The following MAFA variants were observed in gnomAD, a reference collection of about 807,000 sequenced individuals.
MAFA encodes MAF bZIP transcription factor A, also known as transcription factor MafA.
For missense variants in MAFA, 547 were observed against 538.0 expected (o/e 1.02, Z -0.16); for synonymous variants, 244 against 260.3 (o/e 0.94, Z 0.60).
Position 143,430,721 on chromosome 8 carries a change from C to T in MAFA, c.-315G>A, listed in dbSNP as rs1819529579. Among the ~76,000 whole-genome samples, 1 of 149,792 alleles carries T rather than the reference C, an allele frequency of 6.7e-6. No homozygotes were observed. Among genetic ancestry groups the T allele is most frequent in the African/African-American group, 2.4e-5 (1 of 41,070 alleles). ...CCACCCGCGCCGCCGGCCGGCCCCG[C>T]CTCCCACGGCTAAACGCGAAGCCGC... On this transcript the variant is annotated 5_prime_UTR_variant, in exon 1 of 1. Transcript: ENST00000333480.
rs187857888 is a variant in MAFA at position 143,428,472 on chromosome 8, T to A, written c.*873A>T. On this transcript the variant is annotated 3_prime_UTR_variant, in exon 1 of 1. Coordinates refer to ENST00000333480, the MANE Select transcript of MAFA (RefSeq NM_201589.4). ...CCTCCTCTTAAAAAAAAAAATTTTC[T>A]GCTAGAAATACTGTGCATTACTTTT... The A allele has an allele frequency of 6.6e-6, 1 of 152,382 alleles. No individual in the cohort carries two copies. The highest frequency in any genetic ancestry group is 1.9e-4 in the East Asian group (1 of 5,196). The allele number at this position is 152,382 out of a possible 1,614,324, so 9.4% of individuals were successfully genotyped here.
In MAFA at chr8:143,429,406, TC is replaced by T; in HGVS notation, c.1000del (p.Glu334SerfsTer90). The T allele has an allele frequency of 6.7e-7, 1 of 1,494,870 alleles. No individual in the cohort carries two copies. The highest frequency in any genetic ancestry group is 8.8e-7 in the Non-Finnish European group (1 of 1,131,108). The allele number at this position is 1,494,870 out of a possible 1,614,324, so 92.6% of individuals were successfully genotyped here. ...GSAGGAGFPR[E>X]PSPPQAGPGG... ...GGGACCGGCCTGCGGCGGCGAAGGCTCCCGCGGGAAACCGGCCCCGCCCGCG... is the reference window on the plus strand; with the variant it reads ...GGGACCGGCCTGCGGCGGCGAAGGCTCCGCGGGAAACCGGCCCCGCCCGCG... On this transcript the variant is annotated frameshift_variant, in exon 1 of 1. Transcript: ENST00000333480. LOFTEE classifies it low-confidence loss of function (END_TRUNC). This position sits in a 1 kb window ranked among gnomAD's most constrained non-coding sequence, Gnocchi z 5.9.
rs1819481143 is a variant in MAFA at position 143,428,387 on chromosome 8, TTTAAA to T, written c.*953_*957del. 6.6e-6 allele frequency: 1 copy of T among 152,138 alleles called. No individual in the cohort carries two copies. Among genetic ancestry groups the T allele is most frequent in the African/African-American group, 2.4e-5 (1 of 41,420 alleles). The allele number at this position is 152,138 out of a possible 1,614,324, so 9.4% of individuals were successfully genotyped here. ...ATTCCACAAACAAAACGAAACACAA[TTTAAA>T]TTAAAATAAAAACACTTTCTCCACC... On this transcript the variant is annotated 3_prime_UTR_variant, in exon 1 of 1. Coordinates refer to ENST00000333480, the MANE Select transcript of MAFA (RefSeq NM_201589.4).
rs747852573 is a variant in MAFA, at chr8:143,429,599, A to T, written c.808T>A (p.Ser270Thr). The change falls in exon 1 of 1, where the codon TCC (serine) becomes ACC (threonine). Residue 270 changes from serine (S) to threonine (T), a missense_variant. Physicochemically the swap from Ser to Thr is moderately conservative, Grantham distance 58 (BLOSUM62 1). Coordinates refer to ENST00000333480, the MANE Select transcript of MAFA (RefSeq NM_201589.4). This position sits in a 1 kb window ranked among gnomAD's most constrained non-coding sequence, Gnocchi z 5.9. Reference sequence around the variant, plus strand: ...TGCTGCACCCGCTTGAAGCGGCAGGACTGCGCGTAGCCGCGGTTCTTGAGC... The same window carrying T: ...TGCTGCACCCGCTTGAAGCGGCAGGTCTGCGCGTAGCCGCGGTTCTTGAGC... The part of the protein sequence containing the change: ...RTLKNRGYAQ[S>T]CRFKRVQQRH... The T allele has an allele frequency of 1.2e-6, 2 of 1,601,324 alleles. 1 individual carries two copies. Among genetic ancestry groups the T allele is most frequent in the South Asian group, 2.2e-5 (2 of 90,606 alleles).
Position 143,430,267 on chromosome 8 carries a change from G to A in MAFA, c.140C>T (p.Pro47Leu). The A allele has an allele frequency of 1.4e-6, 2 of 1,448,162 alleles. No homozygotes were observed. The highest frequency in any genetic ancestry group is 9.2e-7 in the Non-Finnish European group (1 of 1,087,470). The allele number at this position is 1,448,162 out of a possible 1,614,324, so 89.7% of individuals were successfully genotyped here. Reference sequence around the variant, plus strand: ...GAGCGGCGTCGAGGACAGCGAGCCTGGCGGCAGGCGGTGGCAGAAGCGCTC... The same window carrying A: ...GAGCGGCGTCGAGGACAGCGAGCCTAGCGGCAGGCGGTGGCAGAAGCGCTC... Reference protein sequence around the residue: ...EAERFCHRLPPGSLSSTPLST... With the variant: ...EAERFCHRLPLGSLSSTPLST... Residue 47 changes from proline (P) to leucine (L), a missense_variant, in exon 1 of 1, where the codon CCA (proline) becomes CTA (leucine). Coordinates refer to ENST00000333480, the MANE Select transcript of MAFA (RefSeq NM_201589.4).
At position 143,429,599 on chromosome 8, in the gene MAFA, A is replaced by G; in HGVS notation, c.808T>C (p.Ser270Pro). 1 of 1,601,324 alleles carries G rather than the reference A, an allele frequency of 6.2e-7. No homozygotes were observed. ...RTLKNRGYAQ[S>P]CRFKRVQQRH... ...TGCTGCACCCGCTTGAAGCGGCAGG[A>G]CTGCGCGTAGCCGCGGTTCTTGAGC... The change falls in exon 1 of 1, where the codon TCC becomes CCC. Residue 270 changes from serine (S) to proline (P), a missense_variant. By Grantham distance (74) the Ser-to-Pro change is moderately conservative. Coordinates refer to ENST00000333480, the MANE Select transcript of MAFA (RefSeq NM_201589.4). This position sits in a 1 kb window ranked among gnomAD's most constrained non-coding sequence, Gnocchi z 5.9.
Position 143,430,343 on chromosome 8 carries a change from T to C in MAFA, c.64A>G (p.Asn22Asp). 2.1e-6 allele frequency: 3 copies of C among 1,445,136 alleles called. No homozygotes were observed. The highest frequency in any genetic ancestry group is 2.8e-6 in the Non-Finnish European group (3 of 1,084,016). The allele number at this position is 1,445,136 out of a possible 1,614,324, so 89.5% of individuals were successfully genotyped here. The stretch of plus-strand genomic sequence containing the variant: ...TCGAACTTCATCAGGTCGAAGTCGT[T>C]GACGTACTCGATGGCCAGCGGGCTG... ...PSSPLAIEYVNDFDLMKFEVK... is the reference protein window; with the variant it reads ...PSSPLAIEYVDDFDLMKFEVK... Residue 22 changes from asparagine (N) to aspartate (D), a missense_variant, in exon 1 of 1, where the codon AAC becomes GAC. Transcript: ENST00000333480.
Position 143,429,386 on chromosome 8 carries a change from C to T in MAFA, c.1021G>A (p.Gly341Ser). The T allele has an allele frequency of 2.8e-6, 4 of 1,434,808 alleles. No individual in the cohort carries two copies. Among genetic ancestry groups the T allele is most frequent in the Non-Finnish European group, 3.6e-6 (4 of 1,105,040 alleles). 88.9% of individuals were successfully genotyped at this position (1,434,808 alleles called of 1,614,324 possible). A position where few individuals can be genotyped will look rare whatever the true frequency, so the allele number is the denominator to read the frequency against. ...FPREPSPPQA[G>S]PGGAKGTADF... Reference sequence around the variant, plus strand: ...GCCGTGCCCTTGGCCCCGCCGGGACCGGCCTGCGGCGGCGAAGGCTCCCGC... The same window carrying T: ...GCCGTGCCCTTGGCCCCGCCGGGACTGGCCTGCGGCGGCGAAGGCTCCCGC... The change falls in exon 1 of 1, where the codon GGT becomes AGT. Residue 341 changes from glycine (G) to serine (S), a missense_variant. Gly to Ser is a moderately conservative substitution (Grantham distance 56). Coordinates refer to ENST00000333480, the MANE Select transcript of MAFA (RefSeq NM_201589.4). This position sits in a 1 kb window ranked among gnomAD's most constrained non-coding sequence, Gnocchi z 5.9.
chr8:143,429,453 C>T lies in MAFA; in HGVS notation c.954G>A (p.Ala318=), dbSNP rs750968748. The T allele has an allele frequency of 1.9e-6, 3 of 1,577,234 alleles. No individual in the cohort carries two copies. Among genetic ancestry groups the T allele is most frequent in the South Asian group, 1.1e-5 (1 of 87,724 alleles). Residue 318 remains alanine, a synonymous_variant, in exon 1 of 1, where the codon GCG becomes GCA. Transcript: ENST00000333480. This position sits in a 1 kb window ranked among gnomAD's most constrained non-coding sequence, Gnocchi z 5.9. ...DLYKEKYEKL[A]GRGGPGSAGG... Reference sequence around the variant, plus strand: ...CCGCGCTCCCGGGGCCGCCCCGGCCCGCCAGCTTCTCGTATTTCTCCTTGT... The same window carrying T: ...CCGCGCTCCCGGGGCCGCCCCGGCCTGCCAGCTTCTCGTATTTCTCCTTGT...
rs1482993651 is a variant in MAFA at position 143,430,254 on chromosome 8, G to A, written c.153C>T (p.Ser51=). 6.9e-7 allele frequency: 1 copy of A among 1,439,266 alleles called. No homozygotes were observed. Among genetic ancestry groups the A allele is most frequent in the Non-Finnish European group, 9.2e-7 (1 of 1,082,982 alleles). 89.2% of individuals were successfully genotyped at this position (1,439,266 alleles called of 1,614,324 possible). A position where few individuals can be genotyped will look rare whatever the true frequency, so the allele number is the denominator to read the frequency against. The change falls in exon 1 of 1, where the codon TCC becomes TCT. Residue 51 remains serine (S), a synonymous_variant. Transcript: ENST00000333480. ...FCHRLPPGSL[S]STPLSTPCSS... ...AGCAGGGCGTGCTGAGCGGCGTCGA[G>A]GACAGCGAGCCTGGCGGCAGGCGGT...
chr8:143,429,683 G>T lies in MAFA; in HGVS notation c.724C>A (p.Arg242=). The change falls in exon 1 of 1, where the codon CGG becomes AGG. Residue 242 remains arginine, a synonymous_variant. Transcript: ENST00000333480. This position sits in a 1 kb window ranked among gnomAD's most constrained non-coding sequence, Gnocchi z 5.9. The part of the protein sequence containing the change: ...LVSMSVRELN[R]QLRGFSKEEV... ...TCCTTGCTGAAGCCGCGGAGCTGCCGGTTCAGCTCGCGCACCGACATGGAC... is the reference window on the plus strand; with the variant it reads ...TCCTTGCTGAAGCCGCGGAGCTGCCTGTTCAGCTCGCGCACCGACATGGAC... 6.4e-7 allele frequency: 1 copy of T among 1,573,768 alleles called. No homozygotes were observed. The highest frequency in any genetic ancestry group is 8.6e-7 in the Non-Finnish European group (1 of 1,167,388).
Position 143,430,104 on chromosome 8 carries a change from G to A in MAFA, c.303C>T (p.Pro101=), listed in dbSNP as rs1819517454. ...GGAPGPPSGG[P]GAVGGTSGKP... is the part of the protein sequence containing the mutation. ...TCCCCGAGGTGCCCCCGACGGCGCC[G>A]GGGCCCCCGCTCGGCGGCCCGGGGG... The change falls in exon 1 of 1, where the codon CCC becomes CCT. Residue 101 remains proline, a synonymous_variant. Transcript: ENST00000333480. The A allele has an allele frequency of 8.7e-7, 1 of 1,151,090 alleles. No individual in the cohort carries two copies. Among genetic ancestry groups the A allele is most frequent in the Non-Finnish European group, 1.1e-6 (1 of 935,050 alleles). 71.3% of individuals were successfully genotyped at this position (1,151,090 alleles called of 1,614,324 possible).
rs779255211 is a variant in MAFA at position 143,429,483 on chromosome 8, G to C, written c.924C>G (p.Asp308Glu). The stretch of plus-strand genomic sequence containing the variant: ...GCTTCTCGTATTTCTCCTTGTACAG[G>C]TCCCGCTCTTTGGCCAGGCGCCCCA... The part of the protein sequence containing the change: ...LEVGRLAKER[D>E]LYKEKYEKLA... The change falls in exon 1 of 1, where the codon GAC (aspartate) becomes GAG (glutamate). Residue 308 changes from aspartate to glutamate, a missense_variant. By Grantham distance (45) the Asp-to-Glu change is conservative. Transcript: ENST00000333480. The surrounding 1 kb of genome is among the most constrained non-coding windows in gnomAD (Gnocchi z 5.9). The C allele has an allele frequency of 6.2e-7, 1 of 1,604,062 alleles. No individual in the cohort carries two copies. Among genetic ancestry groups the C allele is most frequent in the Non-Finnish European group, 8.5e-7 (1 of 1,179,310 alleles).
chr8:143,430,065 C>T lies in MAFA; in HGVS notation c.342G>A (p.Glu114=). The T allele has an allele frequency of 1.6e-6, 2 of 1,264,414 alleles. No individual in the cohort carries two copies. The highest frequency in any genetic ancestry group is 1.0e-6 in the Non-Finnish European group (1 of 995,016). 78.3% of individuals were successfully genotyped at this position (1,264,414 alleles called of 1,614,324 possible). The part of the protein sequence containing the change: ...VGGTSGKPAL[E]DLYWMSGYQH... ...GGTAGCCGCTCATCCAGTACAGATC[C>T]TCCAGCGCCGGCTTCCCCGAGGTGC... Residue 114 remains glutamate (E), a synonymous_variant, in exon 1 of 1, where the codon GAG becomes GAA. Transcript: ENST00000333480.
In MAFA at chr8:143,430,726, C is replaced by T. The variant is rs1819529621; in HGVS notation, c.-320G>A. Among the ~76,000 whole-genome samples, 1 of 149,856 alleles carries T rather than the reference C, an allele frequency of 6.7e-6. No individual in the cohort carries two copies. The highest frequency in any genetic ancestry group is 1.5e-5 in the Non-Finnish European group (1 of 67,258). On this transcript the variant is annotated 5_prime_UTR_variant, in exon 1 of 1. Coordinates refer to ENST00000333480, the MANE Select transcript of MAFA (RefSeq NM_201589.4). ...CGCGCCGCCGGCCGGCCCCGCCTCC[C>T]ACGGCTAAACGCGAAGCCGCGCGCG...
Position 143,430,346 on chromosome 8 carries a change from C to G in MAFA, c.61G>C (p.Val21Leu). The change falls in exon 1 of 1, where the codon GTC (valine) becomes CTC (leucine). Residue 21 changes from valine (V) to leucine (L), a missense_variant. Physicochemically the swap from Val to Leu is conservative, Grantham distance 32 (BLOSUM62 1). Transcript: ENST00000333480. The part of the protein sequence containing the change: ...LPSSPLAIEY[V>L]NDFDLMKFEV... ...AACTTCATCAGGTCGAAGTCGTTGACGTACTCGATGGCCAGCGGGCTGCTG... is the reference window on the plus strand; with the variant it reads ...AACTTCATCAGGTCGAAGTCGTTGAGGTACTCGATGGCCAGCGGGCTGCTG... 1 of 1,444,562 alleles carries G rather than the reference C, an allele frequency of 6.9e-7. No individual in the cohort carries two copies. Among genetic ancestry groups the G allele is most frequent in the Non-Finnish European group, 9.2e-7 (1 of 1,083,542 alleles). 89.5% of individuals were successfully genotyped at this position (1,444,562 alleles called of 1,614,324 possible).
Position 143,430,679 on chromosome 8 carries a change from G to A in MAFA, c.-273C>T, listed in dbSNP as rs1321178596. On this transcript the variant is annotated 5_prime_UTR_variant, in exon 1 of 1. Coordinates refer to ENST00000333480, the MANE Select transcript of MAFA (RefSeq NM_201589.4). ...CGCGGCCGCCGCCTCGGGCTGCTCC[G>A]GGACCGCTCCCGCGCCCCACCCGCG... 8.3e-6 allele frequency among the ~76,000 whole-genome samples: 1 copy of A among 120,310 alleles called. No homozygotes were observed. The highest frequency in any genetic ancestry group is 3.0e-4 in the East Asian group (1 of 3,314). 78.9% of individuals were successfully genotyped at this position (120,310 alleles called of 152,430 possible).
rs1187967451 is a variant in MAFA at position 143,429,662 on chromosome 8, T to C, written c.745A>G (p.Lys249Glu). The C allele has an allele frequency of 1.3e-6, 2 of 1,583,286 alleles. No individual in the cohort carries two copies. Among genetic ancestry groups the C allele is most frequent in the Non-Finnish European group, 1.7e-6 (2 of 1,171,956 alleles). ...TGCTTGAGCCGGATGACCTCCTCCTTGCTGAAGCCGCGGAGCTGCCGGTTC... is the reference window on the plus strand; with the variant it reads ...TGCTTGAGCCGGATGACCTCCTCCTCGCTGAAGCCGCGGAGCTGCCGGTTC... ...ELNRQLRGFS[K>E]EEVIRLKQKR... Residue 249 changes from lysine to glutamate, a missense_variant, in exon 1 of 1, where the codon AAG becomes GAG. By Grantham distance (56) the Lys-to-Glu change is moderately conservative. Coordinates refer to ENST00000333480, the MANE Select transcript of MAFA (RefSeq NM_201589.4). The surrounding 1 kb of genome is among the most constrained non-coding windows in gnomAD (Gnocchi z 5.9).
rs1339182678 is a variant in MAFA, at chr8:143,429,816, G to A, written c.591C>T (p.Ala197=). The change falls in exon 1 of 1, where the codon GCC becomes GCT. Residue 197 remains alanine, a synonymous_variant. Transcript: ENST00000333480. This position sits in a 1 kb window ranked among gnomAD's most constrained non-coding sequence, Gnocchi z 5.9. ...GAHHAAHHHH[A]AHHHHHHHHH... ...GGTGGTGGTGGTGGTGGTGGTGGGC[G>A]GCGTGGTGATGGTGGGCGGCGTGGT... The A allele has an allele frequency of 6.1e-6, 9 of 1,483,500 alleles. No individual in the cohort carries two copies. Among genetic ancestry groups the A allele is most frequent in the Non-Finnish European group, 8.1e-6 (9 of 1,115,818 alleles). The allele number at this position is 1,483,500 out of a possible 1,614,324, so 91.9% of individuals were successfully genotyped here.
Sources: gnomAD v4.1 joint callset for allele counts (sites outside exome capture counted in the v4.1 genomes callset) on GRCh38, gnomAD v4.1.1 for gene constraint, Gnocchi (gnomAD v3.1) non-coding constraint, MANE v1.5 for transcripts, NCBI Gene and HGNC (gene_info 2026-07-23, HGNC 2026-07-21) for gene names.